Variants in PCDHGA4 observed in about 807,000 individuals in gnomAD.
PCDHGA4 encodes the protein protocadherin gamma subfamily A, 4, also known as protocadherin gamma-A4.
A neutral mutation model predicts 54.6 loss-of-function variants in PCDHGA4; 38 were observed. The observed-to-expected ratio is 0.70, with a 90% confidence interval of 0.54 to 0.91. The LOEUF (loss-of-function observed/expected upper bound fraction) is 0.91, where lower values mean the gene tolerates loss of function less well. Ranked by LOEUF, PCDHGA4 falls within the 40% of genes least tolerant of loss-of-function variation. The pLI, the probability that PCDHGA4 is intolerant of heterozygous loss-of-function variation, is 0.00. For synonymous variants in PCDHGA4, 511 were observed against 512.9 expected (o/e 1.00, Z 0.05); for missense variants, 1,298 against 1,220.9 (o/e 1.06, Z -0.94).
chr5:141,477,002 G>A lies in PCDHGA4; in HGVS notation c.2515-17805G>A, dbSNP rs770390597. On this transcript the variant is annotated intron_variant, in intron 1 of 3. Coordinates refer to ENST00000571252, the MANE Select transcript of PCDHGA4 (RefSeq NM_018917.4). The surrounding 1 kb of genome is among the most constrained non-coding windows in gnomAD (Gnocchi z 4.9). ...CCGCGCCGGCGTGCGGCAACTATTC[G>A]CCTTAGACCTTGTAACCGGGATGCT... 6.2e-7 allele frequency: 1 copy of A among 1,614,102 alleles called. No homozygotes were observed. The highest frequency in any genetic ancestry group is 1.3e-5 in the African/African-American group (1 of 74,952).
chr5:141,433,742 C>T lies in PCDHGA4; in HGVS notation c.2515-61065C>T, dbSNP rs927651405. 2.6e-5 allele frequency among the ~76,000 whole-genome samples: 4 copies of T among 150,944 alleles called. No homozygotes were observed. The East Asian group carries it at 7.9e-4, about 30-fold the overall frequency. On this transcript the variant is annotated intron_variant, in intron 1 of 3. Coordinates refer to ENST00000571252, the MANE Select transcript of PCDHGA4 (RefSeq NM_018917.4). Reference sequence around the variant, plus strand: ...ATCCCAGCTACTTGGGAGGCTGAGTCAGGAGAATTGCTTTAACCTGGGAGG... The same window carrying T: ...ATCCCAGCTACTTGGGAGGCTGAGTTAGGAGAATTGCTTTAACCTGGGAGG...
At chr5:141,363,138 T>C (rs1359700757) in intron 1 of PCDHGA4, among the ~76,000 whole-genome samples, 1 of 152,214 alleles carries the variant, frequency 6.6e-6, no homozygotes, top group Non-Finnish European at 1.5e-5. Flanking sequence ...AAAGAGTGCA[T>C]TTAACAAATG....
At chr5:141,463,261 T>G (rs552225283) in intron 1 of PCDHGA4, among the ~76,000 whole-genome samples, 29 of 152,134 alleles carry the variant, frequency 1.9e-4, no homozygotes, top group African/African-American at 6.3e-4. Context: ...TAGTACTCTA[T>G]CCCATAAATT....
In PCDHGA4 at chr5:141,355,648, G is replaced by A. The variant is rs11575949; in HGVS notation, c.541G>A (p.Ala181Thr). The A allele has an allele frequency of 0.095, 152,832 of 1,613,828 alleles. 8,961 individuals carry two copies. Among genetic ancestry groups the A allele is most frequent in the African/African-American group, 0.29 (21,386 of 74,982 alleles). The change falls in exon 1 of 4, where the codon GCA becomes ACA. Residue 181 changes from alanine (A) to threonine (T), a missense_variant. By Grantham distance (58) the Ala-to-Thr change is moderately conservative. Transcript: ENST00000571252. ...AGTTGCTGAAAATGAAAATCCTGGG[G>A]CAAGATTTCCTCTTCCTGAAGCTTT... is the stretch of plus-strand genomic sequence containing the variant. ...IKVAENENPGARFPLPEAFDP... is the reference protein window; with the variant it reads ...IKVAENENPGTRFPLPEAFDP...
At chr5:141,445,257 A>G (rs1253126709) in intron 1 of PCDHGA4, among the ~76,000 whole-genome samples, 3 of 152,152 alleles carry the variant, frequency 2.0e-5, no homozygotes, top group African/African-American at 2.4e-5. Context: ...GTGTGAGAAT[A>G]TAAGTCGAAA....
intron 1 of PCDHGA4, chr5:141,426,221 A>G (rs1279749881): frequency 6.3e-6 from 1 of 158,300 alleles, no homozygotes; most frequent in Non-Finnish European, 1.4e-5. Context: ...GGAAGTAAAT[A>G]TTTTAAAAGC....
rs755930967 is a variant in PCDHGA4, at chr5:141,388,629, G to C, written c.2514+31008G>C. On this transcript the variant is annotated intron_variant, in intron 1 of 3. Transcript: ENST00000571252. ...AGTGTTCAGTCAAGACGTATACAGG[G>C]TGAGCCTTTCAGAAAACGTGTACCC... 13 of 1,613,824 alleles carry C rather than the reference G, an allele frequency of 8.1e-6. No individual in the cohort carries two copies. Among genetic ancestry groups the C allele is most frequent in the African/African-American group, 1.3e-5 (1 of 74,914 alleles).
In PCDHGA4 at chr5:141,421,851, T is replaced by A. The variant is rs771169063; in HGVS notation, c.2514+64230T>A. 16 of 1,613,596 alleles carry A rather than the reference T, an allele frequency of 9.9e-6. No homozygotes were observed. The Middle Eastern group carries it at 4.9e-4, about 50-fold the overall frequency. On this transcript the variant is annotated intron_variant, in intron 1 of 3. Coordinates refer to ENST00000571252, the MANE Select transcript of PCDHGA4 (RefSeq NM_018917.4). ...GCCTGGACCGAGAGAAAGAGGCTGC[T>A]CACCTGCTCCTCCTCACAGCTTTAG...
chr5:141,404,171 G>A (rs532466154), intron 1 of PCDHGA4: 1 of 1,612,734 alleles, frequency 6.2e-7, no homozygotes, highest in South Asian at 1.1e-5. Flanking sequence ...ATTGTTGACG[G>A]CCCAAATTCT....
intron 1 of PCDHGA4, among the ~76,000 whole-genome samples, chr5:141,488,511 G>A (rs2099676160): frequency 6.6e-6 from 1 of 152,162 alleles, no homozygotes. Context: ...CCACATTTGG[G>A]GTCTGGGGTG....
rs34152666 is a variant in PCDHGA4 at position 141,428,860 on chromosome 5, C to CT, written c.2515-65934dup. 6.7e-4 allele frequency: 98 copies of CT among 145,544 alleles called. 1 individual carries two copies. The highest frequency in any genetic ancestry group is 1.4e-3 in the East Asian group (7 of 4,990). 9.0% of individuals were successfully genotyped at this position (145,544 alleles called of 1,614,324 possible). On this transcript the variant is annotated intron_variant, in intron 1 of 3. Transcript: ENST00000571252. ...ACATTTTCACCATTTTTACGGGAGA[C>CT]TTTTTTTTTTTTTGGACGGAGTCTC...
rs576044355 is a variant in PCDHGA4 at position 141,375,342 on chromosome 5, T to A, written c.2514+17721T>A. 97 of 1,613,798 alleles carry A rather than the reference T, an allele frequency of 6.0e-5. 3 individuals are homozygous for A. In the South Asian group the frequency reaches 9.8e-4, roughly 16 times the overall value. On this transcript the variant is annotated intron_variant, in intron 1 of 3. Transcript: ENST00000571252. Reference sequence around the variant, plus strand: ...CGGGAAGAGGTATTCTTGTACAACATCACTGTGACAGCCACGGACAAAGGA... The same window carrying A: ...CGGGAAGAGGTATTCTTGTACAACAACACTGTGACAGCCACGGACAAAGGA...
At chr5:141,361,434 C>T in intron 1 of PCDHGA4, 1 of 1,614,066 alleles carries the variant, frequency 6.2e-7, no homozygotes, top group Non-Finnish European at 8.5e-7. Context: ...CGCCCCTCTC[C>T]TCCAGCATAA....
intron 1 of PCDHGA4, chr5:141,399,734 C>T: frequency 6.2e-7 from 1 of 1,613,338 alleles, no homozygotes; most frequent in Non-Finnish European, 8.5e-7. Context: ...CAGGGCTCGC[C>T]TGCGCTCAGC....
intron 1 of PCDHGA4, chr5:141,384,456 C>A (rs145938509): frequency 6.2e-7 from 1 of 1,614,054 alleles, no homozygotes; most frequent in East Asian, 2.2e-5. Flanking sequence ...CGCTGCAATC[C>A]TTTGATTATG....
chr5:141,366,927 T>C (rs1442666923), intron 1 of PCDHGA4: 3 of 981,216 alleles, frequency 3.1e-6, no homozygotes, highest in Non-Finnish European at 4.3e-6. Context: ...AAATTCTGTT[T>C]TGGGAAGTCT....
chr5:141,419,145 A>T, intron 1 of PCDHGA4: 1 of 1,613,940 alleles, frequency 6.2e-7, no homozygotes, highest in Non-Finnish European at 8.5e-7. Flanking sequence ...GACAGGGGCA[A>T]GCCTCCGTTA....
At chr5:141,417,993 C>A in intron 1 of PCDHGA4, 1 of 1,613,830 alleles carries the variant, frequency 6.2e-7, no homozygotes, top group Non-Finnish European at 8.5e-7. Flanking sequence ...GCCAAGGGCT[C>A]GGTGGTGGGG....
At position 141,490,502 on chromosome 5, in the gene PCDHGA4, T is replaced by C. The variant is rs1408615048; in HGVS notation, c.2515-4305T>C. On this transcript the variant is annotated intron_variant, in intron 1 of 3. Transcript: ENST00000571252. The surrounding 1 kb of genome is among the most constrained non-coding windows in gnomAD (Gnocchi z 5.4). Reference sequence around the variant, plus strand: ...GACCGGGAGGCCACATCCCACTATATCATCGAGCTGCTGGCCAGCGATGCT... The same window carrying C: ...GACCGGGAGGCCACATCCCACTATACCATCGAGCTGCTGGCCAGCGATGCT... 1.2e-6 allele frequency: 2 copies of C among 1,614,094 alleles called. No individual in the cohort carries two copies. The highest frequency in any genetic ancestry group is 1.1e-5 in the South Asian group (1 of 91,076).
Sources: allele counts gnomAD v4.1 joint callset (sites outside exome capture counted in the v4.1 genomes callset), GRCh38; gene constraint gnomAD v4.1.1; non-coding constraint Gnocchi (gnomAD v3.1); transcripts MANE v1.5; gene names NCBI Gene and HGNC (gene_info 2026-07-23, HGNC 2026-07-21).